CCDC7: variants seen among roughly 807,000 people sequenced by gnomAD.
The protein encoded by CCDC7 is coiled-coil domain containing 7.
Under a neutral mutation model 196.9 loss-of-function variants are expected in CCDC7, and 183 were observed. The ratio of observed to expected loss-of-function variants is 0.93; its 90% CI spans 0.82 to 1.05. CCDC7 has a LOEUF of 1.05. CCDC7 is among the 50% of genes least tolerant of loss of function. The pLI, the probability that CCDC7 is intolerant of heterozygous loss-of-function variation, is 0.00. For missense variants in CCDC7, 1,540 were observed against 1,482.2 expected (o/e 1.04, Z -0.64); for synonymous variants, 525 against 484.6 (o/e 1.08, Z -1.10).
chr10:32,818,461 T>C (rs1259089389), intron 31 of CCDC7, among the ~76,000 whole-genome samples: 1 of 152,042 alleles, frequency 6.6e-6, no homozygotes, highest in Non-Finnish European at 1.5e-5. Flanking sequence ...TATCCAGGAA[T>C]TGAACTCAGC....
intron 24 of CCDC7, among the ~76,000 whole-genome samples, chr10:32,701,185 T>C (rs2078654639): frequency 6.6e-6 from 1 of 152,246 alleles, no homozygotes; most frequent in African/African-American, 2.4e-5. Context: ...TGATATTGGC[T>C]GTGGATTTGT....
At chr10:32,741,614 C>T (rs1440528815) in intron 28 of CCDC7, among the ~76,000 whole-genome samples, 1 of 152,102 alleles carries the variant, frequency 6.6e-6, no homozygotes, top group Non-Finnish European at 1.5e-5. Flanking sequence ...TATGAGTGGA[C>T]CCACACAGTT....
chr10:32,869,379 G>A (rs575017037), intron 41 of CCDC7, among the ~76,000 whole-genome samples: 34 of 152,258 alleles, frequency 2.2e-4, no homozygotes, highest in East Asian at 1.2e-3. Context: ...TTTGAGAAGT[G>A]TCTGTTCATA....
At chr10:32,500,568 C>CA (rs1554803111) in intron 9 of CCDC7, among the ~76,000 whole-genome samples, 1 of 150,482 alleles carries the variant, frequency 6.6e-6, no homozygotes, top group African/African-American at 2.5e-5. Context: ...CCAGACTGGG[C>CA]GGCCGGGCAG....
At chr10:32,559,773 C>G (rs1023836928) in intron 13 of CCDC7, among the ~76,000 whole-genome samples, 4 of 152,204 alleles carry the variant, frequency 2.6e-5, no homozygotes, top group Non-Finnish European at 4.4e-5. Context: ...ACCTCTCCTC[C>G]TCCAAAGGAA....
At chr10:32,465,416 G>A (rs1225545726) in intron 5 of CCDC7, among the ~76,000 whole-genome samples, 2 of 146,448 alleles carry the variant, frequency 1.4e-5, no homozygotes, top group African/African-American at 5.1e-5. Context: ...TTCCCAGTAA[G>A]TTGTATGTTG....
intron 26 of CCDC7, among the ~76,000 whole-genome samples, chr10:32,728,524 T>A (rs1350665732): frequency 2.0e-5 from 3 of 152,218 alleles, no homozygotes; most frequent in Admixed American, 2.0e-4. Flanking sequence ...GTTTTGAATA[T>A]TTTGCAATTA....
In CCDC7 at chr10:32,861,893, G is replaced by A. The variant is rs973721201; in HGVS notation, c.4111+7404G>A. On this transcript the variant is annotated intron_variant, in intron 41 of 41. Transcript: ENST00000639629. ...AACATCTCATGCCAGTTAGAATGGC[G>A]ATCATTAAAAAGTCAGGAAACAACA... 3.9e-5 allele frequency among the ~76,000 whole-genome samples: 6 copies of A among 152,088 alleles called. No individual in the cohort carries two copies. The East Asian group carries it at 1.2e-3, about 29-fold the overall frequency.
At chr10:32,567,228 A>C (rs2056962220) in intron 14 of CCDC7, among the ~76,000 whole-genome samples, 1 of 150,922 alleles carries the variant, frequency 6.6e-6, no homozygotes, top group African/African-American at 2.4e-5. Context: ...TGTATGACTA[A>C]ATAAAAATTA....
intron 5 of CCDC7, among the ~76,000 whole-genome samples, chr10:32,466,050 A>G (rs1265723597): frequency 6.6e-6 from 1 of 152,142 alleles, no homozygotes; most frequent in Non-Finnish European, 1.5e-5. Flanking sequence ...TTACTATCAT[A>G]TCCATTTTGC....
At chr10:32,488,078 C>T (rs1052231161) in intron 8 of CCDC7, among the ~76,000 whole-genome samples, 1 of 152,222 alleles carries the variant, frequency 6.6e-6, no homozygotes. Context: ...GGCCTGCCCT[C>T]AGAGGTGGAG....
At chr10:32,624,699 T>A (rs1283144063) in intron 18 of CCDC7, among the ~76,000 whole-genome samples, 2 of 152,076 alleles carry the variant, frequency 1.3e-5, no homozygotes, top group African/African-American at 4.8e-5. Context: ...TCTTCCCAAC[T>A]ACGTGGAATG....
At chr10:32,743,047 T>C (rs1434781543) in intron 28 of CCDC7, among the ~76,000 whole-genome samples, 1 of 152,234 alleles carries the variant, frequency 6.6e-6, no homozygotes, top group Admixed American at 6.5e-5. Flanking sequence ...ACAGTTAATG[T>C]ATCTATTTAC....
At chr10:32,463,107 A>T in intron 5 of CCDC7, 58 bp downstream of exon 6, 2 of 1,594,392 alleles carry the variant, frequency 1.3e-6, no homozygotes, top group Non-Finnish European at 1.7e-6. Context: ...TTGAAAAGCA[A>T]TTTGGATTAT....
intron 9 of CCDC7, among the ~76,000 whole-genome samples, chr10:32,502,935 C>T: frequency 6.6e-6 from 1 of 151,924 alleles, no homozygotes; most frequent in Non-Finnish European, 1.5e-5. Flanking sequence ...GGATTGTTTT[C>T]TTGCCTTCTT....
At chr10:32,572,158 T>G (rs1304737856) in intron 16 of CCDC7, among the ~76,000 whole-genome samples, 2 of 152,116 alleles carry the variant, frequency 1.3e-5, no homozygotes, top group Non-Finnish European at 2.9e-5. Flanking sequence ...CAATTAAAAT[T>G]TCCAGATAGT....
chr10:32,458,345 AT>A (rs112012731), intron 3 of CCDC7, among the ~76,000 whole-genome samples: 20,350 of 150,832 alleles, frequency 0.13, 1,607 homozygotes, highest in African/African-American at 0.23. Context: ...AAATAAGTGG[AT>A]TTATTTTTTG....
intron 25 of CCDC7, among the ~76,000 whole-genome samples, chr10:32,721,510 C>G (rs970771242): frequency 6.6e-6 from 1 of 152,106 alleles, no homozygotes; most frequent in African/African-American, 2.4e-5. Context: ...AAAATGGCAG[C>G]CTTACTGGTA....
intron 19 of CCDC7, 128 bp from the exon 21 acceptor site, chr10:32,634,929 A>C: frequency 2.5e-6 from 1 of 393,580 alleles, no homozygotes; most frequent in Non-Finnish European, 4.5e-6. Flanking sequence ...TCCACGGTCT[A>C]TTTTAACGAA....
Sources: allele counts gnomAD v4.1 joint callset (sites outside exome capture counted in the v4.1 genomes callset), GRCh38; gene constraint gnomAD v4.1.1; transcripts MANE v1.5; gene names NCBI Gene and HGNC (gene_info 2026-07-23, HGNC 2026-07-21).